The following THTPA variants were observed in gnomAD, a reference collection of about 807,000 sequenced individuals.
THTPA encodes the protein thiamine-triphosphatase.
THTPA carries 16 observed loss-of-function variants against 16.5 expected under a neutral mutation model. That is an observed-to-expected ratio of 0.97 (90% confidence interval 0.66 to 1.47). THTPA has a LOEUF of 1.47. Among genes scored for constraint, THTPA ranks in the 40% most tolerant of loss-of-function variants. The pLI, the probability that THTPA is intolerant of heterozygous loss-of-function variation, is 0.00. For missense variants in THTPA, 281 were observed against 280.9 expected (o/e 1.00, Z 0.00); for synonymous variants, 110 against 115.5 (o/e 0.95, Z 0.30).
chr14:23,536,750 G>A, the THTPA span, among the ~76,000 whole-genome samples: 1 of 152,198 alleles, frequency 6.6e-6, no homozygotes, highest in African/African-American at 2.4e-5. Flanking sequence ...ATGAGGCACT[G>A]AGTAAACCCC....
chr14:23,524,772 C>T, the THTPA span: 2 of 1,536,524 alleles, frequency 1.3e-6, no homozygotes, highest in Non-Finnish European at 1.7e-6. The surrounding 1 kb of genome is among the most constrained non-coding windows in gnomAD (Gnocchi z 5.6). Flanking sequence ...GGTTCAAGGC[C>T]CTGTTCCTCC....
At chr14:23,544,791 C>G in the THTPA span, among the ~76,000 whole-genome samples, 1 of 152,234 alleles carries the variant, frequency 6.6e-6, no homozygotes, top group South Asian at 2.1e-4. Context: ...CTGGCCCTGC[C>G]AGCTGCAGCT....
the THTPA span, chr14:23,524,176 C>T: frequency 1.3e-6 from 2 of 1,536,100 alleles, no homozygotes; most frequent in South Asian, 2.4e-5. The surrounding 1 kb of genome is among the most constrained non-coding windows in gnomAD (Gnocchi z 5.6). Context: ...TAGGCACCCC[C>T]CCAGGGGTGC....
rs1180540429 is a variant in THTPA, at chr14:23,559,901, C to A, written c.*1061C>A. 1 of 1,611,642 alleles carries A rather than the reference C, an allele frequency of 6.2e-7. No homozygotes were observed. Among genetic ancestry groups the A allele is most frequent in the Non-Finnish European group, 8.5e-7 (1 of 1,178,148 alleles). On this transcript the variant is annotated 3_prime_UTR_variant, in exon 2 of 2. Transcript: ENST00000288014. The stretch of plus-strand genomic sequence containing the variant: ...GGTTAGCACCCACGGCTTCTTCTAT[C>A]CCTGGGTCTTGTCTTGGGGGAACTC...
chr14:23,533,825 A>G, the THTPA span: 3 of 1,542,874 alleles, frequency 1.9e-6, no homozygotes, highest in Non-Finnish European at 2.6e-6. This position sits in a 1 kb window ranked among gnomAD's most constrained non-coding sequence, Gnocchi z 4.8. Context: ...CCACAGTTGT[A>G]GCTCTCTCCA....
At chr14:23,523,030 G>A in the THTPA span, 71 of 1,411,492 alleles carry the variant, frequency 5.0e-5, no homozygotes, top group Non-Finnish European at 5.8e-5. This position sits in a 1 kb window ranked among gnomAD's most constrained non-coding sequence, Gnocchi z 4.1. Flanking sequence ...ACACACACCC[G>A]TTCCCAGCAC....
rs1882470259 is a variant in THTPA, at chr14:23,557,093, A to G, written c.336A>G (p.Pro112=). The change falls in exon 1 of 2, where the codon CCA becomes CCG. Residue 112 remains proline, a synonymous_variant. Coordinates refer to ENST00000288014, the MANE Select transcript of THTPA (RefSeq NM_024328.6). ...GAGDVAAVLG[P]LGLQEVASFV... ...GAGATGTGGCTGCTGTGCTGGGCCC[A>G]CTGGGGCTGCAGGAAGTAGCTAGTT... The G allele has an allele frequency of 8.1e-6, 13 of 1,614,158 alleles. No homozygotes were observed. The highest frequency in any genetic ancestry group is 1.1e-5 in the Non-Finnish European group (13 of 1,180,014).
At chr14:23,514,899 A>T in the THTPA span, among the ~76,000 whole-genome samples, 3 of 152,088 alleles carry the variant, frequency 2.0e-5, no homozygotes, top group African/African-American at 4.8e-5. Context: ...CCTTCCTCCC[A>T]ACTAGATATC....
the THTPA span, among the ~76,000 whole-genome samples, chr14:23,514,754 G>A: frequency 2.0e-5 from 3 of 152,132 alleles, no homozygotes; most frequent in African/African-American, 7.2e-5. Flanking sequence ...ATGCCACTTG[G>A]CAGCAGTCAG....
chr14:23,521,695 G>A, the THTPA span: 5 of 498,512 alleles, frequency 1.0e-5, no homozygotes, highest in Non-Finnish European at 1.8e-5. Context: ...GCCAAGATGG[G>A]TGTATGTGTC....
chr14:23,525,251 G>A, the THTPA span: 1 of 1,536,084 alleles, frequency 6.5e-7, no homozygotes, highest in South Asian at 1.2e-5. This position sits in a 1 kb window ranked among gnomAD's most constrained non-coding sequence, Gnocchi z 5.9. Context: ...CTCTTCAGGG[G>A]CACGGGTCCC....
the THTPA span, chr14:23,526,752 G>A: frequency 3.3e-6 from 5 of 1,532,608 alleles, no homozygotes; most frequent in African/African-American, 1.4e-5. Flanking sequence ...TCAATACCAA[G>A]GCAGTTGACC....
chr14:23,543,356 T>A, the THTPA span: 1 of 152,388 alleles, frequency 6.6e-6, no homozygotes, highest in East Asian at 1.9e-4. Flanking sequence ...AGATTGGAAC[T>A]CAGGTAGCCT....
chr14:23,514,215 G>C, the THTPA span: 1 of 152,334 alleles, frequency 6.6e-6, no homozygotes, highest in Non-Finnish European at 1.5e-5. Context: ...GTGTTTGGGA[G>C]ACCAGATTTT....
the THTPA span, among the ~76,000 whole-genome samples, chr14:23,540,268 G>A: frequency 5.5e-4 from 84 of 152,368 alleles, no homozygotes; most frequent in African/African-American, 1.9e-3. Context: ...TGGGATTACA[G>A]GCATGAGCCA....
upstream of THTPA, among the ~76,000 whole-genome samples, chr14:23,555,565 C>T (rs1248862983): frequency 6.6e-6 from 1 of 152,164 alleles, no homozygotes; most frequent in African/African-American, 2.4e-5. Flanking sequence ...TATTCTCTGA[C>T]AGAAAGTTTC....
chr14:23,522,480 G>T, the THTPA span: 1 of 1,535,160 alleles, frequency 6.5e-7, no homozygotes, highest in Middle Eastern at 1.7e-4. Flanking sequence ...GGCGGCTGGA[G>T]GAGGGCATTG....
rs1191234301 is a variant in THTPA, at chr14:23,560,046, G to C, written c.*1206G>C. The C allele has an allele frequency of 1.3e-6, 2 of 1,580,616 alleles. No homozygotes were observed. Among genetic ancestry groups the C allele is most frequent in the Non-Finnish European group, 1.7e-6 (2 of 1,153,936 alleles). On this transcript the variant is annotated 3_prime_UTR_variant, in exon 2 of 2. Coordinates refer to ENST00000288014, the MANE Select transcript of THTPA (RefSeq NM_024328.6). Reference sequence around the variant, plus strand: ...GCTGCAGCTGGAGACTCTGAACACAGGAGTTTAACAGAGCACAGTATGGCA... The same window carrying C: ...GCTGCAGCTGGAGACTCTGAACACACGAGTTTAACAGAGCACAGTATGGCA...
At chr14:23,528,655 T>C in the THTPA span, 1 of 985,258 alleles carries the variant, frequency 1.0e-6, no homozygotes, top group Non-Finnish European at 1.2e-6. Flanking sequence ...CAGCTCATCC[T>C]CCCTCAGGCT....
Sources: gnomAD v4.1 joint callset for allele counts (sites outside exome capture counted in the v4.1 genomes callset) on GRCh38, gnomAD v4.1.1 for gene constraint, Gnocchi (gnomAD v3.1) non-coding constraint, MANE v1.5 for transcripts, NCBI Gene and HGNC (gene_info 2026-07-23, HGNC 2026-07-21) for gene names.